The following FRMD4B variants were observed in gnomAD, a reference collection of about 807,000 sequenced individuals.
FRMD4B encodes FERM domain containing 4B, also known as FERM domain-containing protein 4B.
FRMD4B carries 74 observed loss-of-function variants against 141.5 expected under a neutral mutation model. That is an observed-to-expected ratio of 0.52 (90% CI 0.43 to 0.63). The LOEUF (loss-of-function observed/expected upper bound fraction) is 0.63, where lower values mean the gene tolerates loss of function less well. Ranked by LOEUF, FRMD4B falls within the 30% of genes least tolerant of loss-of-function variation. The pLI, the probability that FRMD4B is intolerant of heterozygous loss-of-function variation, is 0.00. For missense variants in FRMD4B, 1,366 were observed against 1,253.4 expected, an observed-to-expected ratio of 1.09 and a Z score of -1.36; for synonymous variants, 506 against 467.9, an observed-to-expected ratio of 1.08 and a Z score of -1.05.
chr3:69,361,923 T>C (rs1365504393), intron 1 of FRMD4B, among the ~76,000 whole-genome samples: 2 of 152,240 alleles, frequency 1.3e-5, no homozygotes, highest in Non-Finnish European at 2.9e-5. Flanking sequence ...TACGTTTAAC[T>C]GCCAAATAAT....
chr3:69,394,568 G>A (rs535248756), intron 2 of FRMD4B, among the ~76,000 whole-genome samples: 140 of 152,302 alleles, frequency 9.2e-4, no homozygotes, highest in Non-Finnish European at 2.6e-4. Flanking sequence ...TACTGTTGGT[G>A]GGAGTGTAAA....
chr3:69,247,871 G>A (rs1199500409), intron 7 of FRMD4B, among the ~76,000 whole-genome samples: 1 of 152,138 alleles, frequency 6.6e-6, no homozygotes, highest in Non-Finnish European at 1.5e-5. Context: ...AGATGGTCTC[G>A]ATCTCCTGAC....
chr3:69,326,256 C>T (rs1352992426), intron 1 of FRMD4B, among the ~76,000 whole-genome samples: 1 of 152,010 alleles, frequency 6.6e-6, no homozygotes, highest in African/African-American at 2.4e-5. Flanking sequence ...CATGCCCAGC[C>T]TCTTCTACAT....
intron 19 of FRMD4B, 103 bp from the exon 20 acceptor site, chr3:69,182,820 G>A: frequency 9.5e-7 from 1 of 1,049,040 alleles, no homozygotes; most frequent in Admixed American, 2.4e-5. Flanking sequence ...CCAAGGAAAG[G>A]GAAAATAGGG....
intron 5 of FRMD4B, among the ~76,000 whole-genome samples, chr3:69,280,526 G>C (rs545451103): frequency 8.1e-4 from 124 of 152,184 alleles, no homozygotes; most frequent in Non-Finnish European, 1.5e-3. Flanking sequence ...ACTACCATGG[G>C]CTAAGAGCAT....
chr3:69,474,295 C>T (rs939026145), intron 1 of FRMD4B, among the ~76,000 whole-genome samples: 5 of 152,160 alleles, frequency 3.3e-5, no homozygotes, highest in South Asian at 2.1e-4. Context: ...GTGAACAATA[C>T]AATTCTGGTA....
At chr3:69,332,704 G>A (rs530469340) in intron 1 of FRMD4B, among the ~76,000 whole-genome samples, 1 of 150,152 alleles carries the variant, frequency 6.7e-6, no homozygotes, top group Non-Finnish European at 1.5e-5. Flanking sequence ...AGCTTCCCGA[G>A]TAGCTAGGAC....
At chr3:69,182,809 C>T in intron 19 of FRMD4B, 92 bp from the exon 20 acceptor site, 8 of 1,252,100 alleles carry the variant, frequency 6.4e-6, no homozygotes, top group Non-Finnish European at 9.0e-6. Context: ...TTACTAGAAG[C>T]CCAAGGAAAG....
intron 5 of FRMD4B, among the ~76,000 whole-genome samples, chr3:69,279,019 ATTACCT>A (rs1358901111): frequency 6.6e-6 from 1 of 151,832 alleles, no homozygotes; most frequent in Non-Finnish European, 1.5e-5. Context: ...CATCAGACAC[ATTACCT>A]TTAAATTAAA....
At position 69,171,505 on chromosome 3, in the gene FRMD4B, C is replaced by T. The variant is rs2092586152; in HGVS notation, c.*356G>A. The T allele has an allele frequency of 1.6e-5, 3 of 182,002 alleles. No individual in the cohort carries two copies. Among genetic ancestry groups the T allele is most frequent in the South Asian group, 2.6e-4 (2 of 7,602 alleles). 11.3% of individuals were successfully genotyped at this position (182,002 alleles called of 1,614,324 possible). On this transcript the variant is annotated 3_prime_UTR_variant, in exon 23 of 23. Transcript: ENST00000398540. The stretch of plus-strand genomic sequence containing the variant: ...TTCCCCTGTTCTTATTGCCATGGGA[C>T]ATCCTGAATGCCCTTTCATGTTTTT...
At chr3:69,247,212 T>C (rs990236996) in intron 7 of FRMD4B, among the ~76,000 whole-genome samples, 4 of 152,200 alleles carry the variant, frequency 2.6e-5, no homozygotes, top group African/African-American at 9.6e-5. Flanking sequence ...CTCATGACAG[T>C]TTTATGGGAA....
At chr3:69,387,552 A>T (rs1251273366), upstream of FRMD4B, among the ~76,000 whole-genome samples, 1 of 152,178 alleles carries the variant, frequency 6.6e-6, no homozygotes, top group African/African-American at 2.4e-5. Context: ...CTGGGTTGTT[A>T]TCTATGCTAT....
In FRMD4B at chr3:69,385,906, C is replaced by T. The variant is rs759899232; in HGVS notation, c.84G>A (p.Leu28=). Residue 28 remains leucine (L), a synonymous_variant, in exon 1 of 23, where the codon CTG becomes CTA. Coordinates refer to ENST00000398540, the MANE Select transcript of FRMD4B (RefSeq NM_015123.3). ...GCAGCCTCTCCGTGTACCATCTCCG[C>T]AGCGTGGACACGGTCAAGTTCCATA... is the stretch of plus-strand genomic sequence containing the variant. ...RFVWNLTVST[L]RRWYTERLRA... 35 of 1,604,410 alleles carry T rather than the reference C, an allele frequency of 2.2e-5. No homozygotes were observed. The highest frequency in any genetic ancestry group is 2.9e-5 in the Non-Finnish European group (34 of 1,176,016).
intron 1 of FRMD4B, among the ~76,000 whole-genome samples, chr3:69,498,080 G>A (rs1706432377): frequency 6.6e-6 from 1 of 152,134 alleles, no homozygotes; most frequent in Non-Finnish European, 1.5e-5. Flanking sequence ...CTGGATGGGA[G>A]CTGAGGGAAT....
rs1039573352 is a variant in FRMD4B at position 69,246,883 on chromosome 3, A to G, written c.581+2343T>C. ...ATTAACTCGCCAACCTTGATGTCCT[A>G]GGGCTCAAATGTTTGAACAACTGAA... On this transcript the variant is annotated intron_variant, in intron 7 of 22. Coordinates refer to ENST00000398540, the MANE Select transcript of FRMD4B (RefSeq NM_015123.3). 1.1e-4 allele frequency among the ~76,000 whole-genome samples: 16 copies of G among 152,226 alleles called. No individual in the cohort carries two copies. The South Asian group carries it at 3.3e-3, about 32-fold the overall frequency.
chr3:69,485,170 C>T (rs1321626028), intron 1 of FRMD4B, among the ~76,000 whole-genome samples: 1 of 152,230 alleles, frequency 6.6e-6, no homozygotes, highest in African/African-American at 2.4e-5. Flanking sequence ...CATGTCAGCA[C>T]TGCTCTGTGG....
intron 4 of FRMD4B, among the ~76,000 whole-genome samples, chr3:69,295,854 T>G (rs1450893032): frequency 6.6e-6 from 1 of 152,036 alleles, no homozygotes; most frequent in Non-Finnish European, 1.5e-5. Context: ...TCTTGCTCTG[T>G]TGCCCAGGCT....
chr3:69,414,332 A>G (rs1158217518), intron 2 of FRMD4B, among the ~76,000 whole-genome samples: 1 of 152,178 alleles, frequency 6.6e-6, no homozygotes, highest in African/African-American at 2.4e-5. Context: ...CAGATCAGAC[A>G]TGGGGAAGGA....
intron 5 of FRMD4B, among the ~76,000 whole-genome samples, chr3:69,257,235 T>A (rs1203928970): frequency 6.6e-6 from 1 of 152,234 alleles, no homozygotes; most frequent in Admixed American, 6.5e-5. Context: ...GGAACTGTAT[T>A]CTGGCATTAC....
Sources: gnomAD v4.1 joint callset for allele counts (sites outside exome capture counted in the v4.1 genomes callset) on GRCh38, gnomAD v4.1.1 for gene constraint, MANE v1.5 for transcripts, NCBI Gene and HGNC (gene_info 2026-07-23, HGNC 2026-07-21) for gene names.